Variants in MID1 observed in about 807,000 individuals in gnomAD.
MID1 encodes E3 ubiquitin-protein ligase Midline-1.
MID1 carries 7 observed loss-of-function variants against 40.4 expected under a neutral mutation model. The observed-to-expected ratio is 0.17, with a 90% CI of 0.10 to 0.33. The LOEUF is 0.33. MID1 is among the 10% of genes least tolerant of loss of function. The probability of loss-of-function intolerance (pLI) is 1.00; values close to 1 mark genes in which losing one functional copy is unlikely to be tolerated. For missense variants in MID1, 367 were observed against 558.5 expected (o/e 0.66, Z 3.46); for synonymous variants, 229 against 221.2 (o/e 1.04, Z -0.31).
intron 1 of MID1, among the ~76,000 whole-genome samples, chrX:10,689,406 C>T (rs1010734964): frequency 5.4e-5 from 6 of 111,270 alleles, no homozygotes; most frequent in Admixed American, 9.6e-5. Flanking sequence ...ATCACAAGAA[C>T]AGCACAGGGG....
At position 10,553,702 on chromosome X, in the gene MID1, A is replaced by G. The variant is rs72612834; in HGVS notation, c.660+13186T>C. Among the ~76,000 whole-genome samples the G allele has an allele frequency of 2.9e-3, 327 of 112,138 alleles. 7 individuals carry two copies. The East Asian group carries it at 0.037, about 13-fold the overall frequency. ...AAACTATTGAGTATTGGATAATTCA[A>G]TATTGCTGTAAGTAAATAAAATGAT... is the stretch of plus-strand genomic sequence containing the variant. On this transcript the variant is annotated intron_variant, in intron 2 of 9. Coordinates refer to ENST00000317552, the MANE Select transcript of MID1 (RefSeq NM_000381.4).
rs768756539 is a variant in MID1, at chrX:10,780,637, C to T, written c.-187+52917G>A. On this transcript the variant is annotated intron_variant, in intron 1 of 10. Coordinates refer to the MID1 transcript ENST00000380785. ...TAAATAGAGTTGGGAAGAAGAGAAG[C>T]AATGACTCCAACCAGACTCAAAGAA... Among the ~76,000 whole-genome samples, 3 of 112,054 alleles carry T rather than the reference C, an allele frequency of 2.7e-5. No homozygotes were observed. In the East Asian group the frequency reaches 8.4e-4, roughly 31 times the overall value.
intron 2 of MID1, among the ~76,000 whole-genome samples, chrX:10,541,960 A>G (rs1475751909): frequency 8.9e-6 from 1 of 112,085 alleles, no homozygotes; most frequent in Admixed American, 9.5e-5. Context: ...CATACTTAAG[A>G]GTCAAATGAT....
At chrX:10,528,450 G>A (rs1216245308) in intron 2 of MID1, among the ~76,000 whole-genome samples, 1 of 111,797 alleles carries the variant, frequency 8.9e-6, no homozygotes, top group African/African-American at 3.3e-5. Context: ...AACAGGGGGT[G>A]GCAAACTTGC....
At chrX:10,603,908 G>A (rs1341797688) in intron 1 of MID1, among the ~76,000 whole-genome samples, 4 of 111,443 alleles carry the variant, frequency 3.6e-5, no homozygotes, top group Non-Finnish European at 3.8e-5. Flanking sequence ...AACTCCCAAC[G>A]ATATAGATTC....
chrX:10,734,352 A>G (rs1413837871), intron 1 of MID1, among the ~76,000 whole-genome samples: 1 of 111,237 alleles, frequency 9.0e-6, no homozygotes, highest in African/African-American at 3.3e-5. Context: ...ACTCATGAAC[A>G]TAAAGAAGGA....
chrX:10,707,149 T>C (rs140891671), intron 1 of MID1, among the ~76,000 whole-genome samples: 1 of 112,111 alleles, frequency 8.9e-6, no homozygotes, highest in African/African-American at 3.2e-5. Flanking sequence ...TTATTTCTTG[T>C]TCATGCAATA....
At chrX:10,600,841 T>C (rs1935505749) in intron 1 of MID1, among the ~76,000 whole-genome samples, 1 of 112,306 alleles carries the variant, frequency 8.9e-6, no homozygotes, top group Non-Finnish European at 1.9e-5. Context: ...AGATAAAGTA[T>C]AAAGAAGCAT....
At chrX:10,501,212 G>A (rs1048434879) in intron 3 of MID1, among the ~76,000 whole-genome samples, 1 of 111,449 alleles carries the variant, frequency 9.0e-6, no homozygotes, top group African/African-American at 3.3e-5. Flanking sequence ...GGGAGGCAGA[G>A]GCAGGAGAAT....
At chrX:10,728,481 G>A (rs2043415335) in intron 1 of MID1, among the ~76,000 whole-genome samples, 1 of 112,188 alleles carries the variant, frequency 8.9e-6, no homozygotes, top group Non-Finnish European at 1.9e-5. Flanking sequence ...GTTCCAGTCT[G>A]CCAGAGGGAT....
At chrX:10,506,364 T>C (rs931281974) in intron 3 of MID1, 2 of 1,117,437 alleles carry the variant, frequency 1.8e-6, no homozygotes, top group Non-Finnish European at 1.2e-6. Context: ...ACACCAGTAC[T>C]GGGTAGGAAG....
intron 1 of MID1, among the ~76,000 whole-genome samples, chrX:10,703,809 C>T (rs754952373): frequency 5.4e-4 from 60 of 111,814 alleles, no homozygotes; most frequent in Non-Finnish European, 1.0e-3. Flanking sequence ...GCTTTGAATC[C>T]TTTTTTCCAA....
At chrX:10,478,019 A>G (rs1050406556) in intron 5 of MID1, among the ~76,000 whole-genome samples, 1 of 112,333 alleles carries the variant, frequency 8.9e-6, no homozygotes, top group African/African-American at 3.2e-5. Context: ...TGAACTGCCT[A>G]TTGTAGTGAG....
chrX:10,644,298 T>A (rs1247847937), intron 1 of MID1, among the ~76,000 whole-genome samples: 1 of 109,840 alleles, frequency 9.1e-6, no homozygotes, highest in African/African-American at 3.3e-5. Flanking sequence ...CTGCTCTCAT[T>A]AAAAAAAAGA....
At chrX:10,526,325 T>G (rs866351957) in intron 2 of MID1, among the ~76,000 whole-genome samples, 3 of 97,238 alleles carry the variant, frequency 3.1e-5, no homozygotes, top group African/African-American at 1.3e-4. Context: ...AAAGCCAAAG[T>G]TTTTTTTTTT....
In MID1 at chrX:10,485,383, AAAAGTTG is replaced by A. The variant is rs1930564096; in HGVS notation, c.865-2762_865-2756del. On this transcript the variant is annotated intron_variant, in intron 4 of 9. Coordinates refer to ENST00000317552, the MANE Select transcript of MID1 (RefSeq NM_000381.4). ...CAACACTTTTTAATGTATTATTTTT[AAAAGTTG>A]ACAAGGTGAATAAAATTTGATGTTT... Among the ~76,000 whole-genome samples the A allele has an allele frequency of 2.7e-5, 3 of 112,508 alleles. No homozygotes were observed. The South Asian group carries it at 1.1e-3, about 41-fold the overall frequency.
chrX:10,807,510 T>A (rs2044056524), intron 1 of MID1, among the ~76,000 whole-genome samples: 1 of 111,457 alleles, frequency 9.0e-6, no homozygotes, highest in Non-Finnish European at 1.9e-5. Flanking sequence ...TCACTCAGGT[T>A]GTTGACTGAA....
intron 1 of MID1, among the ~76,000 whole-genome samples, chrX:10,627,877 C>T (rs1166810955): frequency 8.9e-6 from 1 of 111,830 alleles, no homozygotes; most frequent in East Asian, 2.8e-4. Flanking sequence ...GCGCTCCTTG[C>T]TTACAAAAAG....
intron 1 of MID1, among the ~76,000 whole-genome samples, chrX:10,594,571 G>C (rs1411519164): frequency 9.0e-6 from 1 of 111,337 alleles, no homozygotes; most frequent in Non-Finnish European, 1.9e-5. Context: ...TGACATCCTT[G>C]GGTCAAGGGT....
Sources: gnomAD v4.1 joint callset for allele counts (sites outside exome capture counted in the v4.1 genomes callset) on GRCh38, gnomAD v4.1.1 for gene constraint, MANE v1.5 for transcripts, NCBI Gene and HGNC (gene_info 2026-07-23, HGNC 2026-07-21) for gene names.